The following ROBO2 variants were observed in gnomAD, a reference collection of about 807,000 sequenced individuals.
ROBO2 encodes roundabout guidance receptor 2.
A neutral mutation model predicts 160.8 loss-of-function variants in ROBO2; 53 were observed. The observed-to-expected ratio is 0.33, with a 90% confidence interval of 0.26 to 0.41. The LOEUF (loss-of-function observed/expected upper bound fraction) is 0.41, where lower values mean the gene tolerates loss of function less well. Among genes scored for constraint, ROBO2 ranks in the 10% least tolerant of loss-of-function variants. The pLI is 1.00. For missense variants in ROBO2, 1,577 were observed against 1,722.4 expected, an observed-to-expected ratio of 0.92 and a Z score of 1.49; for synonymous variants, 664 against 611.7, an observed-to-expected ratio of 1.09 and a Z score of -1.26.
intron 2 of ROBO2, among the ~76,000 whole-genome samples, chr3:76,659,867 G>A (rs1050499713): frequency 1.3e-5 from 2 of 152,156 alleles, no homozygotes; most frequent in African/African-American, 4.8e-5. Context: ...TAGATGATTT[G>A]AAGGGGATGA....
intron 2 of ROBO2, among the ~76,000 whole-genome samples, chr3:76,180,801 G>C (rs976569067): frequency 1.3e-5 from 2 of 151,988 alleles, no homozygotes; most frequent in Non-Finnish European, 2.9e-5. Context: ...ACTTTCAGTG[G>C]TTTTCTATAT....
At chr3:76,437,519 T>G (rs547633387) in intron 2 of ROBO2, among the ~76,000 whole-genome samples, 8 of 152,324 alleles carry the variant, frequency 5.3e-5, no homozygotes, top group African/African-American at 1.7e-4. Flanking sequence ...TCAATTGAAA[T>G]GTCACATGTG....
chr3:77,206,143 A>G (rs945544450), intron 2 of ROBO2, among the ~76,000 whole-genome samples: 1 of 149,908 alleles, frequency 6.7e-6, no homozygotes, highest in South Asian at 2.1e-4. Flanking sequence ...CTCTTCCTGC[A>G]TCTCTCTCTC....
chr3:77,529,131 TAATAA>T (rs1341959663), intron 6 of ROBO2, among the ~76,000 whole-genome samples: 1 of 151,042 alleles, frequency 6.6e-6, no homozygotes, highest in African/African-American at 2.4e-5. Flanking sequence ...TTATTACATA[TAATAA>T]AATAAAATAA....
intron 2 of ROBO2, among the ~76,000 whole-genome samples, chr3:76,046,122 C>A (rs1462615670): frequency 6.6e-6 from 1 of 151,888 alleles, no homozygotes; most frequent in African/African-American, 2.4e-5. Flanking sequence ...GTTTGTGCTA[C>A]ATGCAATTTT....
At chr3:76,308,361 C>T (rs1286907030) in intron 2 of ROBO2, among the ~76,000 whole-genome samples, 2 of 104,916 alleles carry the variant, frequency 1.9e-5, no homozygotes, top group Admixed American at 1.6e-4. Flanking sequence ...TGGGTGACAG[C>T]GTGAGACTCT....
chr3:77,501,035 CTG>C (rs899628532), intron 5 of ROBO2, among the ~76,000 whole-genome samples: 13 of 152,180 alleles, frequency 8.5e-5, no homozygotes, highest in African/African-American at 3.1e-4. Flanking sequence ...AAGGATCTGT[CTG>C]TGTGCCACCT....
intron 2 of ROBO2, among the ~76,000 whole-genome samples, chr3:77,323,002 ATATTATATTATGGATAATATAATATAT>A (rs1560532720): frequency 1.0e-4 from 14 of 137,228 alleles, no homozygotes; most frequent in African/African-American, 3.1e-4. Flanking sequence ...ATAATATATT[ATATTATATTATGGATAATATAATATAT>A]TATATTATAT....
chr3:76,754,905 A>G (rs1006636653), intron 2 of ROBO2, among the ~76,000 whole-genome samples: 1 of 151,928 alleles, frequency 6.6e-6, no homozygotes, highest in African/African-American at 2.4e-5. Flanking sequence ...GCCTAAATGT[A>G]TGCATTGTGA....
chr3:76,843,383 T>C (rs1438693021), intron 2 of ROBO2, among the ~76,000 whole-genome samples: 1 of 151,962 alleles, frequency 6.6e-6, no homozygotes, highest in Non-Finnish European at 1.5e-5. Flanking sequence ...ATTGTTGGTA[T>C]AGTAAATATT....
intron 2 of ROBO2, among the ~76,000 whole-genome samples, chr3:76,145,412 C>T (rs2106795091): frequency 6.6e-6 from 1 of 152,072 alleles, no homozygotes; most frequent in East Asian, 1.9e-4. Flanking sequence ...GACATATTTT[C>T]CAGATATGCA....
At chr3:76,132,165 C>T (rs538087909) in intron 2 of ROBO2, among the ~76,000 whole-genome samples, 33 of 152,194 alleles carry the variant, frequency 2.2e-4, no homozygotes, top group African/African-American at 7.9e-4. Context: ...AGGGAAGAGG[C>T]ACATGGGGCA....
chr3:76,575,942 C>G (rs942389690), intron 2 of ROBO2, among the ~76,000 whole-genome samples: 8 of 151,614 alleles, frequency 5.3e-5, no homozygotes, highest in Non-Finnish European at 1.0e-4. Context: ...CTCTCAAGTT[C>G]TTAGTGCAAG....
chr3:77,143,319 C>G (rs139967539), intron 2 of ROBO2, among the ~76,000 whole-genome samples: 13 of 151,434 alleles, frequency 8.6e-5, no homozygotes, highest in African/African-American at 3.2e-4. Flanking sequence ...CTCAGCCTCC[C>G]GAGTAGCTGG....
At chr3:77,037,136 G>A (rs891642447), upstream of ROBO2, among the ~76,000 whole-genome samples, 11 of 152,152 alleles carry the variant, frequency 7.2e-5, no homozygotes, top group Non-Finnish European at 1.2e-4. Context: ...CGTTACTGTT[G>A]CTAATTTAGT....
chr3:75,974,461 T>C (rs1399089096), intron 2 of ROBO2, among the ~76,000 whole-genome samples: 1 of 151,652 alleles, frequency 6.6e-6, no homozygotes, highest in Non-Finnish European at 1.5e-5. Context: ...GTAGCTATAC[T>C]TCAAATTAGC....
At chr3:77,466,566 A>C (rs2082781943) in intron 2 of ROBO2, among the ~76,000 whole-genome samples, 1 of 152,180 alleles carries the variant, frequency 6.6e-6, no homozygotes, top group South Asian at 2.1e-4. Context: ...AAATGGTGAA[A>C]TTAGCAGAAT....
intron 2 of ROBO2, among the ~76,000 whole-genome samples, chr3:76,358,375 T>C (rs575352974): frequency 8.5e-5 from 13 of 152,100 alleles, no homozygotes; most frequent in African/African-American, 2.9e-4. Context: ...ATCTAGTGAG[T>C]TGAGACTTTT....
At chr3:77,515,309 G>A (rs539367378) in intron 5 of ROBO2, among the ~76,000 whole-genome samples, 4 of 151,786 alleles carry the variant, frequency 2.6e-5, no homozygotes, top group Admixed American at 1.3e-4. Context: ...TCTGCATGGT[G>A]TACAATTGTA....
Sources: gnomAD v4.1 joint callset for allele counts (sites outside exome capture counted in the v4.1 genomes callset) on GRCh38, gnomAD v4.1.1 for gene constraint, MANE v1.5 for transcripts, NCBI Gene and HGNC (gene_info 2026-07-23, HGNC 2026-07-21) for gene names.